ASTN2: variants seen among roughly 807,000 people sequenced by gnomAD.
ASTN2 encodes the protein astrotactin 2, also known as astrotactin-2.
Under a neutral mutation model 139.8 loss-of-function variants are expected in ASTN2, and 54 were observed. The observed-to-expected ratio is 0.39, with a 90% CI of 0.31 to 0.48. The LOEUF is 0.48. ASTN2 is among the 20% of genes least tolerant of loss of function. The pLI, the probability that ASTN2 is intolerant of heterozygous loss-of-function variation, is 0.95. For synonymous variants in ASTN2, 756 were observed against 719.5 expected (o/e 1.05, Z -0.81); for missense variants, 1,565 against 1,725.1 (o/e 0.91, Z 1.64).
At chr9:116,748,908 T>C (rs927689727) in intron 13 of ASTN2, among the ~76,000 whole-genome samples, 1 of 152,192 alleles carries the variant, frequency 6.6e-6, no homozygotes, top group Non-Finnish European at 1.5e-5. Context: ...GGCTCCAGTA[T>C]GAAGGGCTAA....
At chr9:116,841,989 C>T (rs943193710) in intron 11 of ASTN2, among the ~76,000 whole-genome samples, 1 of 152,220 alleles carries the variant, frequency 6.6e-6, no homozygotes, top group Non-Finnish European at 1.5e-5. Context: ...AAGAGTCTGA[C>T]TGAGCCCACC....
intron 19 of ASTN2, among the ~76,000 whole-genome samples, chr9:116,539,655 A>G (rs958285508): frequency 1.3e-5 from 2 of 152,178 alleles, no homozygotes; most frequent in Admixed American, 6.5e-5. Flanking sequence ...ATGGTTTTCA[A>G]TCTAATAACC....
At chr9:116,839,832 A>C (rs1237951422) in intron 11 of ASTN2, among the ~76,000 whole-genome samples, 1 of 125,204 alleles carries the variant, frequency 8.0e-6, no homozygotes, top group Non-Finnish European at 1.6e-5. Context: ...CACCACACCC[A>C]GCTGATTTTT....
intron 3 of ASTN2, among the ~76,000 whole-genome samples, chr9:117,206,494 T>C (rs1012645417): frequency 1.3e-5 from 2 of 152,100 alleles, no homozygotes; most frequent in Non-Finnish European, 2.9e-5. Flanking sequence ...CCACCCACCA[T>C]GTGAGCCAAG....
chr9:117,265,456 C>T (rs1325742446), intron 2 of ASTN2, among the ~76,000 whole-genome samples: 6 of 152,122 alleles, frequency 3.9e-5, no homozygotes, highest in African/African-American at 9.7e-5. Context: ...AGAGGGGTAC[C>T]GAGCTGCCAA....
rs144274501 is a variant in ASTN2 at position 116,795,756 on chromosome 9, C to A, written c.2396+9876G>T. On this transcript the variant is annotated intron_variant, in intron 13 of 22. Coordinates refer to ENST00000313400, the MANE Select transcript of ASTN2 (RefSeq NM_001365068.1). The stretch of plus-strand genomic sequence containing the variant: ...TCCTGGAACTGGGGGGAAAGGAATG[C>A]AATTTAAGGCAGAGAAAGGAATGGT... Among the ~76,000 whole-genome samples the A allele has an allele frequency of 3.9e-3, 589 of 152,168 alleles. 1 individual carries two copies. The highest frequency in any genetic ancestry group is 6.3e-3 in the Non-Finnish European group (426 of 68,018).
chr9:117,240,088 A>C (rs1443962573), intron 2 of ASTN2, among the ~76,000 whole-genome samples: 1 of 152,236 alleles, frequency 6.6e-6, no homozygotes, highest in African/African-American at 2.4e-5. Flanking sequence ...ATAGTAAGTC[A>C]GGGGCCATTT....
intron 20 of ASTN2, among the ~76,000 whole-genome samples, chr9:116,481,422 T>G (rs2119058254): frequency 6.6e-6 from 1 of 152,014 alleles, no homozygotes; most frequent in Non-Finnish European, 1.5e-5. Context: ...AACAGAGAGG[T>G]GAAGAAACTT....
chr9:117,285,405 T>C (rs1316348846), intron 2 of ASTN2, among the ~76,000 whole-genome samples: 3 of 151,982 alleles, frequency 2.0e-5, no homozygotes, highest in Non-Finnish European at 4.4e-5. Context: ...GAATATGCTA[T>C]GAATGAAAAA....
chr9:117,248,408 C>A (rs1833444942), intron 2 of ASTN2, among the ~76,000 whole-genome samples: 2 of 152,178 alleles, frequency 1.3e-5, no homozygotes, highest in Admixed American at 1.3e-4. Context: ...AAAGACCTTC[C>A]AGTGAAAACA....
chr9:117,313,551 C>T (rs1828043125), intron 1 of ASTN2, among the ~76,000 whole-genome samples: 1 of 152,122 alleles, frequency 6.6e-6, no homozygotes, highest in African/African-American at 2.4e-5. Flanking sequence ...GGACTATGTG[C>T]AATCATGAAG....
At chr9:116,739,442 A>G (rs1289422393) in intron 13 of ASTN2, among the ~76,000 whole-genome samples, 1 of 152,030 alleles carries the variant, frequency 6.6e-6, no homozygotes, top group Non-Finnish European at 1.5e-5. Flanking sequence ...CCCATCCTAC[A>G]CAAGGACCCA....
intron 1 of ASTN2, among the ~76,000 whole-genome samples, chr9:117,330,449 A>G (rs1017374158): frequency 2.0e-5 from 3 of 152,212 alleles, no homozygotes. Flanking sequence ...TGTGATCTCC[A>G]TGCAAAGAGC....
intron 14 of ASTN2, 95 bp downstream of exon 14, chr9:116,733,304 C>G (rs1416330185): frequency 1.4e-5 from 21 of 1,505,208 alleles, no homozygotes; most frequent in Non-Finnish European, 1.9e-5. Flanking sequence ...CTTGACAGAG[C>G]CCATCTTGGA....
chr9:117,060,082 G>A lies in ASTN2; in HGVS notation c.1277-20117C>T, dbSNP rs1348555875. On this transcript the variant is annotated intron_variant, in intron 5 of 22. Coordinates refer to ENST00000313400, the MANE Select transcript of ASTN2 (RefSeq NM_001365068.1). The stretch of plus-strand genomic sequence containing the variant: ...TCCCAGCACTTTGCGAGGCCAAGGC[G>A]AGCAGATGGCTTGAGGACAGAAGTT... 3.3e-5 allele frequency among the ~76,000 whole-genome samples: 5 copies of A among 151,972 alleles called. No homozygotes were observed. The South Asian group carries it at 8.3e-4, about 25-fold the overall frequency.
chr9:116,762,974 G>A (rs1382551807), intron 13 of ASTN2, among the ~76,000 whole-genome samples: 2 of 152,172 alleles, frequency 1.3e-5, no homozygotes, highest in Non-Finnish European at 2.9e-5. Context: ...CAGAGAAATT[G>A]GCTCATTTTC....
chr9:117,246,592 A>T (rs1176730631), intron 2 of ASTN2, among the ~76,000 whole-genome samples: 1 of 152,184 alleles, frequency 6.6e-6, no homozygotes, highest in Non-Finnish European at 1.5e-5. Flanking sequence ...TCCTGCTGGC[A>T]TCTCTCCCAA....
chr9:117,054,931 TA>T (rs1839015489), intron 5 of ASTN2, among the ~76,000 whole-genome samples: 1 of 152,198 alleles, frequency 6.6e-6, no homozygotes, highest in South Asian at 2.1e-4. Context: ...TAGATTGTCA[TA>T]AGGAGCACAA....
intron 16 of ASTN2, chr9:116,687,199 T>C: frequency 2.9e-6 from 3 of 1,017,400 alleles, no homozygotes; most frequent in Non-Finnish European, 3.5e-6. Flanking sequence ...CAGGGCCGCC[T>C]TGCCCCGCGC....
Sources: allele counts gnomAD v4.1 joint callset (sites outside exome capture counted in the v4.1 genomes callset), GRCh38; gene constraint gnomAD v4.1.1; transcripts MANE v1.5; gene names NCBI Gene and HGNC (gene_info 2026-07-23, HGNC 2026-07-21).